TMEM232: variants seen among roughly 807,000 people sequenced by gnomAD.
TMEM232 encodes transmembrane protein 232.
A neutral mutation model predicts 78.8 loss-of-function variants in TMEM232; 80 were observed. The ratio of observed to expected loss-of-function variants is 1.01; its 90% CI spans 0.85 to 1.22. The LOEUF is 1.22. TMEM232 is among the 50% of genes most tolerant of loss of function. The probability of loss-of-function intolerance (pLI) is 0.00; values close to 1 mark genes in which losing one functional copy is unlikely to be tolerated. For missense variants in TMEM232, 881 were observed against 742.2 expected (o/e 1.19, Z -2.17); for synonymous variants, 297 against 254.3 (o/e 1.17, Z -1.60).
intron 8 of TMEM232, among the ~76,000 whole-genome samples, chr5:110,610,137 T>C (rs1278454156): frequency 6.8e-6 from 1 of 147,718 alleles, no homozygotes; most frequent in Non-Finnish European, 1.5e-5. Context: ...GAAAAGTCTT[T>C]CATAATTTAG....
chr5:110,624,013 T>G (rs941965357), intron 7 of TMEM232, among the ~76,000 whole-genome samples: 6 of 152,152 alleles, frequency 3.9e-5, no homozygotes, highest in African/African-American at 9.7e-5. Context: ...GCTTGCTGTG[T>G]GTGTGTGCAC....
At chr5:110,710,989 A>G (rs1796416610) in intron 1 of TMEM232, among the ~76,000 whole-genome samples, 1 of 152,208 alleles carries the variant, frequency 6.6e-6, no homozygotes, top group African/African-American at 2.4e-5. Flanking sequence ...TTGTTTGCAA[A>G]TGATATGACC....
At chr5:110,728,702 TTATA>T (rs950601314), upstream of TMEM232, among the ~76,000 whole-genome samples, 2 of 149,362 alleles carry the variant, frequency 1.3e-5, no homozygotes, top group Non-Finnish European at 3.0e-5. Flanking sequence ...TTTCAAATTA[TTATA>T]TATATACCTA....
chr5:110,535,080 C>G (rs147090438), intron 11 of TMEM232, among the ~76,000 whole-genome samples: 2,024 of 152,200 alleles, frequency 0.013, 45 homozygotes, highest in African/African-American at 0.046. Flanking sequence ...CACTTTACCA[C>G]TATTTCGTTT....
At chr5:110,405,827 A>C (rs1318189127) in intron 2 of TMEM232, among the ~76,000 whole-genome samples, 1 of 151,752 alleles carries the variant, frequency 6.6e-6, no homozygotes, top group Non-Finnish European at 1.5e-5. Context: ...CAATAAAGAA[A>C]AAAGAGAAAG....
chr5:110,387,637 TATTC>T (rs1459905550), intron 5 of TMEM232: 1 of 152,204 alleles, frequency 6.6e-6, no homozygotes, highest in Non-Finnish European at 1.5e-5. Flanking sequence ...GATTAAATAT[TATTC>T]ATTTTATGGA....
intron 11 of TMEM232, among the ~76,000 whole-genome samples, chr5:110,536,109 T>C (rs529690305): frequency 3.3e-5 from 5 of 152,282 alleles, no homozygotes; most frequent in African/African-American, 1.2e-4. Context: ...GAGTCTTTTG[T>C]TCTCTCTTTT....
At chr5:110,738,347 C>A (rs1799433196), upstream of TMEM232, 2 of 862,232 alleles carry the variant, frequency 2.3e-6, no homozygotes, top group Admixed American at 4.7e-5. Flanking sequence ...GTGATTTAGA[C>A]ACATCAGAAA....
Position 110,531,400 on chromosome 5 carries a change from G to A in TMEM232, c.1456-2565C>T, listed in dbSNP as rs570920368. On this transcript the variant is annotated intron_variant, in intron 11 of 13. Transcript: ENST00000455884. ...TCAATCCCCTGTCCTCCTGCTCTTT[G>A]CTCTGTGAGAAAGATCCACCTATCA... is the stretch of plus-strand genomic sequence containing the variant. 7.9e-5 allele frequency among the ~76,000 whole-genome samples: 12 copies of A among 152,292 alleles called. No homozygotes were observed. The East Asian group carries it at 2.1e-3, about 27-fold the overall frequency.
chr5:110,648,755 T>G (rs1055523436), intron 2 of TMEM232, among the ~76,000 whole-genome samples: 1 of 152,120 alleles, frequency 6.6e-6, no homozygotes, highest in African/African-American at 2.4e-5. Context: ...AATACCTTAT[T>G]AGGAGAATCT....
At position 110,627,242 on chromosome 5, in the gene TMEM232, A is replaced by G. The variant is rs142116134; in HGVS notation, c.601+539T>C. On this transcript the variant is annotated intron_variant, in intron 6 of 13. Transcript: ENST00000455884. ...TTAGATTCAGTGGATCACCAAGTCC[A>G]GAACCTTACTAAAATATGAATTTAA... Among the ~76,000 whole-genome samples, 864 of 152,218 alleles carry G rather than the reference A, an allele frequency of 5.7e-3. 6 individuals carry two copies. The highest frequency in any genetic ancestry group is 0.017 in the Middle Eastern group (5 of 294).
chr5:110,546,482 A>G (rs1773796769), intron 11 of TMEM232, among the ~76,000 whole-genome samples: 1 of 152,064 alleles, frequency 6.6e-6, no homozygotes, highest in Admixed American at 6.6e-5. Flanking sequence ...TCCCCTTAGA[A>G]TGTACAGTAG....
At chr5:110,550,962 T>C (rs957497367) in intron 11 of TMEM232, among the ~76,000 whole-genome samples, 13 of 150,476 alleles carry the variant, frequency 8.6e-5, no homozygotes, top group African/African-American at 3.2e-4. Flanking sequence ...TTTTTTTTTT[T>C]CACAGCCTAA....
At chr5:110,489,410 G>C (rs1054452504) in intron 12 of TMEM232, among the ~76,000 whole-genome samples, 1 of 151,898 alleles carries the variant, frequency 6.6e-6, no homozygotes, top group South Asian at 2.1e-4. Flanking sequence ...TGAACTAAAT[G>C]ACATGATCTC....
rs149816428 is a variant in TMEM232 at position 110,470,223 on chromosome 5, C to T, written c.1704-45307G>A. Among the ~76,000 whole-genome samples the T allele has an allele frequency of 2.5e-4, 38 of 152,222 alleles. 1 individual carries two copies. In the East Asian group the frequency reaches 4.7e-3, roughly 19 times the overall value. On this transcript the variant is annotated intron_variant, in intron 12 of 13. Transcript: ENST00000455884. ...TAGAAAACCTTCTCTTCCCCAGGGA[C>T]GGGCCTGTGCTGTGCCCTGCCCGTA...
chr5:110,490,594 C>T (rs1011807748), intron 12 of TMEM232, among the ~76,000 whole-genome samples: 5 of 152,050 alleles, frequency 3.3e-5, no homozygotes, highest in Admixed American at 2.6e-4. Context: ...GAAGACTCTA[C>T]ACTTCTTTAA....
chr5:110,654,767 T>C (rs1561460952), intron 2 of TMEM232, among the ~76,000 whole-genome samples: 1 of 152,192 alleles, frequency 6.6e-6, no homozygotes, highest in Non-Finnish European at 1.5e-5. Context: ...ATATTGATTC[T>C]TCCTACCCAT....
At chr5:110,715,684 G>A (rs59094031) in intron 1 of TMEM232, among the ~76,000 whole-genome samples, 14,294 of 151,994 alleles carry the variant, frequency 0.094, 806 homozygotes, top group South Asian at 0.2. Context: ...TCTCAGCCAG[G>A]GCACTCCAGA....
chr5:110,462,474 T>A (rs1253022881), intron 12 of TMEM232, among the ~76,000 whole-genome samples: 1 of 152,190 alleles, frequency 6.6e-6, no homozygotes, highest in East Asian at 1.9e-4. Context: ...CAGAGGAACA[T>A]GGAAAGACAA....
Sources: gnomAD v4.1 joint callset for allele counts (sites outside exome capture counted in the v4.1 genomes callset) on GRCh38, gnomAD v4.1.1 for gene constraint, MANE v1.5 for transcripts, NCBI Gene and HGNC (gene_info 2026-07-23, HGNC 2026-07-21) for gene names.